Variants in CNTN5 observed in about 807,000 individuals in gnomAD.
CNTN5 encodes the protein contactin 5, also known as contactin-5.
Under a neutral mutation model 129.1 loss-of-function variants are expected in CNTN5, and 77 were observed. The observed-to-expected ratio is 0.60, with a 90% CI of 0.50 to 0.72. CNTN5 has a LOEUF of 0.72. Ranked by LOEUF, CNTN5 falls within the 30% of genes least tolerant of loss-of-function variation. CNTN5 has a pLI of 0.00. For missense variants in CNTN5, 1,478 were observed against 1,328.8 expected, an observed-to-expected ratio of 1.11 and a Z score of -1.75; for synonymous variants, 509 against 465.6, an observed-to-expected ratio of 1.09 and a Z score of -1.20.
intron 3 of CNTN5, among the ~76,000 whole-genome samples, chr11:99,745,728 A>AT (rs5794017): frequency 0.77 from 115,560 of 149,680 alleles, 45,862 homozygotes; most frequent in South Asian, 0.88. Context: ...ACCTGAAGAC[A>AT]TTTTTTTTTT....
chr11:99,040,574 A>G (rs113391985), intron 1 of CNTN5, among the ~76,000 whole-genome samples: 226 of 152,286 alleles, frequency 1.5e-3, no homozygotes, highest in Middle Eastern at 3.4e-3. Context: ...ATGAGAAATC[A>G]AAGAAATGTT....
At chr11:99,569,278 A>G (rs1196313525) in intron 3 of CNTN5, among the ~76,000 whole-genome samples, 1 of 151,800 alleles carries the variant, frequency 6.6e-6, no homozygotes, top group Non-Finnish European at 1.5e-5. Context: ...AATGCTTGCT[A>G]TGGGATAACT....
At chr11:99,487,565 A>G (rs1162928673) in intron 2 of CNTN5, among the ~76,000 whole-genome samples, 1 of 152,222 alleles carries the variant, frequency 6.6e-6, no homozygotes, top group African/African-American at 2.4e-5. Flanking sequence ...ATAGTCTTTG[A>G]TGAAAACATC....
At chr11:99,244,509 T>A (rs1297346849) in intron 1 of CNTN5, among the ~76,000 whole-genome samples, 1 of 152,172 alleles carries the variant, frequency 6.6e-6, no homozygotes, top group Non-Finnish European at 1.5e-5. Context: ...TTTTTTACAG[T>A]CTCTAAAGCT....
chr11:99,383,327 T>C (rs531396926), intron 2 of CNTN5, among the ~76,000 whole-genome samples: 26 of 152,314 alleles, frequency 1.7e-4, no homozygotes, highest in Admixed American at 2.6e-4. Flanking sequence ...TGGTCCCATA[T>C]GTCTATGGTT....
At chr11:99,631,071 G>A (rs1185000462) in intron 3 of CNTN5, among the ~76,000 whole-genome samples, 1 of 152,080 alleles carries the variant, frequency 6.6e-6, no homozygotes, top group Non-Finnish European at 1.5e-5. Flanking sequence ...GAGTTGCTGG[G>A]TTTTATTTCC....
intron 3 of CNTN5, among the ~76,000 whole-genome samples, chr11:99,610,264 T>C (rs1010921214): frequency 4.6e-5 from 7 of 152,158 alleles, no homozygotes; most frequent in Non-Finnish European, 8.8e-5. Flanking sequence ...GGTTCTCTAG[T>C]CTGCCAATAG....
At chr11:99,299,100 T>G (rs1452670053) in intron 1 of CNTN5, among the ~76,000 whole-genome samples, 3 of 152,006 alleles carry the variant, frequency 2.0e-5, no homozygotes, top group African/African-American at 7.2e-5. Context: ...CTTCACATTT[T>G]CGATAACAAC....
At chr11:99,146,531 C>G (rs1025756155) in intron 1 of CNTN5, among the ~76,000 whole-genome samples, 2 of 152,010 alleles carry the variant, frequency 1.3e-5, no homozygotes, top group Non-Finnish European at 2.9e-5. Flanking sequence ...GCTATAATCA[C>G]AATAATATTT....
intron 3 of CNTN5, among the ~76,000 whole-genome samples, chr11:99,613,294 T>G (rs1950647815): frequency 6.6e-6 from 1 of 152,158 alleles, no homozygotes; most frequent in Non-Finnish European, 1.5e-5. Flanking sequence ...TCATGAGATC[T>G]GATGGTTTTA....
intron 6 of CNTN5, among the ~76,000 whole-genome samples, chr11:99,881,702 T>C (rs1184248153): frequency 6.6e-5 from 10 of 152,220 alleles, no homozygotes; most frequent in South Asian, 2.1e-4. Flanking sequence ...AAATCTGCCC[T>C]GAGGCAATGA....
At chr11:99,849,951 T>A (rs919453858) in intron 6 of CNTN5, among the ~76,000 whole-genome samples, 2 of 152,122 alleles carry the variant, frequency 1.3e-5, no homozygotes, top group African/African-American at 4.8e-5. Context: ...GGAATCTTTT[T>A]AAAAATCTTA....
intron 1 of CNTN5, among the ~76,000 whole-genome samples, chr11:99,090,357 A>C (rs900545933): frequency 6.6e-6 from 1 of 152,194 alleles, no homozygotes; most frequent in Non-Finnish European, 1.5e-5. Context: ...AAGGCACAGA[A>C]GCAGAAATTG....
At chr11:99,943,472 G>A (rs574422497) in intron 7 of CNTN5, among the ~76,000 whole-genome samples, 30 of 151,808 alleles carry the variant, frequency 2.0e-4, no homozygotes, top group African/African-American at 5.3e-4. Context: ...ATTTTCTCCC[G>A]TTCTATATGT....
chr11:99,927,834 C>T (rs1220164037), intron 7 of CNTN5, among the ~76,000 whole-genome samples: 1 of 152,110 alleles, frequency 6.6e-6, no homozygotes, highest in Non-Finnish European at 1.5e-5. Flanking sequence ...ACAGTCATGC[C>T]CTTCTAACAG....
rs1048113601 is a variant in CNTN5, at chr11:99,036,984, A to G, written c.-210+15714A>G. On this transcript the variant is annotated intron_variant, in intron 1 of 24. Coordinates refer to ENST00000524871, the MANE Select transcript of CNTN5 (RefSeq NM_014361.4). ...ATGCTTTGAGGCATTGCCAGATTTT[A>G]TAAGAAATAAAATGCATATCTGTGA... 5.3e-5 allele frequency among the ~76,000 whole-genome samples: 8 copies of G among 152,182 alleles called. No individual in the cohort carries two copies. In the East Asian group the frequency reaches 5.8e-4, roughly 11 times the overall value.
chr11:99,736,019 T>G (rs1434568001), intron 3 of CNTN5, among the ~76,000 whole-genome samples: 1 of 152,020 alleles, frequency 6.6e-6, no homozygotes, highest in East Asian at 1.9e-4. Flanking sequence ...CTTTCTCTTT[T>G]TTTTCTCTCT....
chr11:99,313,085 C>T (rs1278172429), intron 1 of CNTN5, among the ~76,000 whole-genome samples: 1 of 151,438 alleles, frequency 6.6e-6, no homozygotes, highest in Non-Finnish European at 1.5e-5. Flanking sequence ...TCTCAGGTGA[C>T]ATCTCACGCA....
chr11:100,189,945 G>A (rs1426098384), intron 13 of CNTN5, among the ~76,000 whole-genome samples: 2 of 151,782 alleles, frequency 1.3e-5, no homozygotes, highest in Non-Finnish European at 2.9e-5. Flanking sequence ...CTTTATTAAT[G>A]AAAATATGTA....
Sources: gnomAD v4.1 joint callset for allele counts (sites outside exome capture counted in the v4.1 genomes callset) on GRCh38, gnomAD v4.1.1 for gene constraint, MANE v1.5 for transcripts, NCBI Gene and HGNC (gene_info 2026-07-23, HGNC 2026-07-21) for gene names.